Variants in CPNE4 observed in about 807,000 individuals in gnomAD.
The protein encoded by CPNE4 is copine-4.
A neutral mutation model predicts 67.9 loss-of-function variants in CPNE4; 25 were observed. The observed-to-expected ratio is 0.37, with a 90% confidence interval of 0.27 to 0.51. The LOEUF is 0.51. Ranked by LOEUF, CPNE4 falls within the 20% of genes least tolerant of loss-of-function variation. The pLI is 0.93. For missense variants in CPNE4, 464 were observed against 690.8 expected (o/e 0.67, Z 3.68); for synonymous variants, 242 against 244.9 (o/e 0.99, Z 0.11).
chr3:131,615,273 C>T (rs916306017), intron 7 of CPNE4, among the ~76,000 whole-genome samples: 1 of 152,196 alleles, frequency 6.6e-6, no homozygotes, highest in Non-Finnish European at 1.5e-5. Context: ...GCCTTTAACA[C>T]TGTTGTAAAT....
rs144289629 is a variant in CPNE4, at chr3:131,851,383, G to GT, written c.180+53880dup. Reference sequence around the variant, plus strand: ...ATTCTATGAGCTTAGCACCAGCTGTGTAACAGTTGGGCACAGGAAATATAA... The same window carrying GT: ...ATTCTATGAGCTTAGCACCAGCTGTGTTAACAGTTGGGCACAGGAAATATAA... On this transcript the variant is annotated intron_variant, in intron 2 of 15. Transcript: ENST00000429747. Among the ~76,000 whole-genome samples, 941 of 152,120 alleles carry GT rather than the reference G, an allele frequency of 6.2e-3. 7 individuals are homozygous for GT. Among genetic ancestry groups the GT allele is most frequent in the Middle Eastern group, 0.01 (3 of 294 alleles).
chr3:131,705,039 C>T (rs2081384532), intron 3 of CPNE4, among the ~76,000 whole-genome samples: 1 of 151,830 alleles, frequency 6.6e-6, no homozygotes, highest in Non-Finnish European at 1.5e-5. Flanking sequence ...CTCTCCCTCC[C>T]TCCCTCCCTC....
intron 1 of CPNE4, among the ~76,000 whole-genome samples, chr3:132,005,750 C>T: frequency 6.6e-6 from 1 of 151,720 alleles, no homozygotes. Context: ...AAAAGACAGC[C>T]CTCCATATAT....
chr3:131,657,754 CG>C (rs1450366428), intron 7 of CPNE4, among the ~76,000 whole-genome samples: 1 of 146,924 alleles, frequency 6.8e-6, no homozygotes, highest in Non-Finnish European at 1.5e-5. Context: ...TTAGTAGAAA[CG>C]GGGTTTCGCC....
chr3:131,783,562 T>A (rs1173266123), intron 2 of CPNE4, among the ~76,000 whole-genome samples: 1 of 152,078 alleles, frequency 6.6e-6, no homozygotes, highest in South Asian at 2.1e-4. Flanking sequence ...TAGTGTCTAA[T>A]GCTTAGTGAC....
At chr3:131,587,846 A>C (rs1459960543) in intron 7 of CPNE4, among the ~76,000 whole-genome samples, 1 of 152,184 alleles carries the variant, frequency 6.6e-6, no homozygotes, top group Non-Finnish European at 1.5e-5. Context: ...GTAAGACCCA[A>C]GGGAGATAAG....
At chr3:131,738,225 T>G (rs1415994116) in intron 2 of CPNE4, among the ~76,000 whole-genome samples, 2 of 152,242 alleles carry the variant, frequency 1.3e-5, no homozygotes, top group Non-Finnish European at 2.9e-5. Context: ...AAATAAATTA[T>G]CGTAAGTAGC....
chr3:131,876,281 A>AATAAATACATAC (rs1553794785), intron 2 of CPNE4, among the ~76,000 whole-genome samples: 18 of 140,318 alleles, frequency 1.3e-4, no homozygotes, highest in African/African-American at 4.7e-4. Context: ...TAAATAAATA[A>AATAAATACATAC]ATACGAATAC....
intron 1 of CPNE4, among the ~76,000 whole-genome samples, chr3:132,007,730 T>C (rs1484290946): frequency 2.0e-5 from 3 of 152,162 alleles, no homozygotes; most frequent in African/African-American, 7.2e-5. Flanking sequence ...TTATTCATCA[T>C]AAATTTATTC....
At chr3:131,693,447 A>G (rs758787531) in intron 5 of CPNE4, among the ~76,000 whole-genome samples, 5 of 152,202 alleles carry the variant, frequency 3.3e-5, no homozygotes, top group African/African-American at 1.2e-4. Context: ...TATTTTCCAA[A>G]CTTAAAAAAT....
chr3:131,786,957 T>C (rs1012956798), intron 2 of CPNE4, among the ~76,000 whole-genome samples: 1 of 152,112 alleles, frequency 6.6e-6, no homozygotes, highest in Non-Finnish European at 1.5e-5. Flanking sequence ...CAGCACATGC[T>C]CTCTCTGACT....
intron 2 of CPNE4, among the ~76,000 whole-genome samples, chr3:131,869,474 T>G (rs1047687834): frequency 6.6e-6 from 1 of 152,200 alleles, no homozygotes; most frequent in Non-Finnish European, 1.5e-5. Flanking sequence ...ACAGCTGTGA[T>G]AGCCCATTCA....
chr3:131,571,218 T>C (rs1182791272), intron 10 of CPNE4, among the ~76,000 whole-genome samples: 1 of 152,040 alleles, frequency 6.6e-6, no homozygotes, highest in East Asian at 1.9e-4. Flanking sequence ...CTGCCTCCCC[T>C]TGGGCCTTCT....
chr3:131,606,682 T>G (rs1226092966), intron 7 of CPNE4, among the ~76,000 whole-genome samples: 1 of 152,136 alleles, frequency 6.6e-6, no homozygotes, highest in African/African-American at 2.4e-5. Flanking sequence ...TCTCTCAGTC[T>G]TGGCTCCACT....
intron 7 of CPNE4, among the ~76,000 whole-genome samples, chr3:131,611,610 T>C (rs79164733): frequency 0.018 from 2,772 of 152,124 alleles, 96 homozygotes; most frequent in African/African-American, 0.063. Context: ...CGATGTCCTT[T>C]GTGTGGGCAT....
intron 2 of CPNE4, among the ~76,000 whole-genome samples, chr3:131,813,703 A>T (rs2107947071): frequency 6.6e-6 from 1 of 152,256 alleles, no homozygotes; most frequent in South Asian, 2.1e-4. Context: ...TTTCATTTTT[A>T]AATAGAAATA....
chr3:131,558,347 A>G (rs1468211775), intron 11 of CPNE4, among the ~76,000 whole-genome samples: 1 of 152,044 alleles, frequency 6.6e-6, no homozygotes, highest in Non-Finnish European at 1.5e-5. Flanking sequence ...GTTGAACACA[A>G]AAGAAAGCAT....
At chr3:131,582,234 A>G (rs1233781752) in intron 8 of CPNE4, among the ~76,000 whole-genome samples, 2 of 152,190 alleles carry the variant, frequency 1.3e-5, no homozygotes, top group Non-Finnish European at 2.9e-5. Context: ...AACTAAAATA[A>G]TGGATTGGCT....
intron 1 of CPNE4, among the ~76,000 whole-genome samples, chr3:131,980,213 T>C (rs1472608762): frequency 6.6e-6 from 1 of 152,168 alleles, no homozygotes; most frequent in Admixed American, 6.5e-5. Flanking sequence ...AGGTGTTCTT[T>C]TTGCTTCTTT....
Sources: gnomAD v4.1 joint callset for allele counts (sites outside exome capture counted in the v4.1 genomes callset) on GRCh38, gnomAD v4.1.1 for gene constraint, MANE v1.5 for transcripts, NCBI Gene and HGNC (gene_info 2026-07-23, HGNC 2026-07-21) for gene names.